CHD9: variants seen among roughly 807,000 people sequenced by gnomAD.
The protein encoded by CHD9 is ATP-dependent chromatin remodeler CHD9.
Under a neutral mutation model 316.1 loss-of-function variants are expected in CHD9, and 77 were observed. The observed-to-expected ratio is 0.24, with a 90% CI of 0.20 to 0.29. The LOEUF is 0.29. Among genes scored for constraint, CHD9 ranks in the 10% least tolerant of loss-of-function variants. The pLI is 1.00. For missense variants in CHD9, 2,763 were observed against 3,438.1 expected, an observed-to-expected ratio of 0.80 and a Z score of 4.91; for synonymous variants, 1,129 against 1,158.3, an observed-to-expected ratio of 0.97 and a Z score of 0.51.
At chr16:53,126,056 T>A (rs1329882815) in intron 1 of CHD9, among the ~76,000 whole-genome samples, 1 of 152,278 alleles carries the variant, frequency 6.6e-6, no homozygotes, top group African/African-American at 2.4e-5. Flanking sequence ...TTAATTTTAA[T>A]GAAGTCTAGT....
intron 2 of CHD9, among the ~76,000 whole-genome samples, chr16:53,202,508 T>C (rs749358751): frequency 6.6e-5 from 10 of 152,232 alleles, no homozygotes; most frequent in Non-Finnish European, 1.2e-4. Flanking sequence ...AATAGAGTCC[T>C]TTGTCCTATG....
intron 1 of CHD9, among the ~76,000 whole-genome samples, chr16:53,085,058 G>A (rs565971891): frequency 5.3e-5 from 8 of 152,162 alleles, no homozygotes; most frequent in South Asian, 2.1e-4. Context: ...GAGACTTCAC[G>A]TAAAATCCAA....
chr16:53,316,541 AT>A (rs2056897115), intron 36 of CHD9, among the ~76,000 whole-genome samples: 1 of 152,276 alleles, frequency 6.6e-6, no homozygotes, highest in Admixed American at 6.5e-5. Context: ...TATTGTAAAG[AT>A]TTTGAAAACA....
chr16:53,084,148 T>C (rs1263036459), intron 1 of CHD9, among the ~76,000 whole-genome samples: 1 of 152,096 alleles, frequency 6.6e-6, no homozygotes, highest in Non-Finnish European at 1.5e-5. Context: ...TGCCTTGGGC[T>C]CCCAAACTGC....
intron 24 of CHD9, among the ~76,000 whole-genome samples, chr16:53,284,406 G>A (rs933294336): frequency 6.6e-6 from 1 of 151,540 alleles, no homozygotes; most frequent in African/African-American, 2.4e-5. Context: ...ATATAGTTGT[G>A]TGTATATAAA....
chr16:53,237,055 A>G (rs931797403), intron 11 of CHD9, among the ~76,000 whole-genome samples: 7 of 152,048 alleles, frequency 4.6e-5, no homozygotes, highest in Admixed American at 2.0e-4. Context: ...CTGAGTGTCT[A>G]TCTCAATGAT....
intron 1 of CHD9, among the ~76,000 whole-genome samples, chr16:53,108,893 A>AAAAAT (rs146326973): frequency 0.035 from 5,342 of 151,860 alleles, 303 homozygotes; most frequent in African/African-American, 0.12. Flanking sequence ...AAACTGTTTC[A>AAAAAT]AAAATAAAAT....
intron 1 of CHD9, among the ~76,000 whole-genome samples, chr16:53,063,240 G>T (rs576629659): frequency 3.3e-5 from 5 of 152,104 alleles, no homozygotes; most frequent in African/African-American, 1.2e-4. Context: ...GCATAGAGAA[G>T]TTAAATAACG....
chr16:53,151,968 A>ATGTGTGTG (rs75657191), intron 1 of CHD9, among the ~76,000 whole-genome samples: 113 of 147,480 alleles, frequency 7.7e-4, no homozygotes, highest in Non-Finnish European at 1.5e-3. Flanking sequence ...CTTTCAGGGT[A>ATGTGTGTG]TGTGTGTGTG....
chr16:53,148,322 G>A (rs903268761), intron 1 of CHD9, among the ~76,000 whole-genome samples: 5 of 152,190 alleles, frequency 3.3e-5, no homozygotes, highest in African/African-American at 1.2e-4. Context: ...GCTCACTGCA[G>A]CCTTGGCCTC....
At chr16:53,192,821 C>T (rs1324664189) in intron 2 of CHD9, among the ~76,000 whole-genome samples, 3 of 152,084 alleles carry the variant, frequency 2.0e-5, no homozygotes, top group African/African-American at 7.2e-5. Context: ...TTTCATGTTA[C>T]TGAGTTATAT....
At chr16:53,122,851 C>T (rs554533172) in intron 1 of CHD9, among the ~76,000 whole-genome samples, 10 of 151,564 alleles carry the variant, frequency 6.6e-5, no homozygotes, top group Non-Finnish European at 1.2e-4. Flanking sequence ...GGACTATAGG[C>T]GCCCGCTACC....
intron 2 of CHD9, among the ~76,000 whole-genome samples, chr16:53,175,050 T>A (rs1397098557): frequency 6.6e-6 from 1 of 152,238 alleles, no homozygotes; most frequent in Non-Finnish European, 1.5e-5. Flanking sequence ...ACTCCCCTAC[T>A]GACACAATCG....
At chr16:53,119,882 A>G (rs1251445633) in intron 1 of CHD9, among the ~76,000 whole-genome samples, 1 of 152,058 alleles carries the variant, frequency 6.6e-6, no homozygotes, top group African/African-American at 2.4e-5. Flanking sequence ...AGGGAACTCC[A>G]TTGCCATTTT....
chr16:53,307,223 T>TA (rs1453072732), intron 32 of CHD9, among the ~76,000 whole-genome samples: 2 of 152,228 alleles, frequency 1.3e-5, no homozygotes, highest in Non-Finnish European at 2.9e-5. Flanking sequence ...TATTACTTTT[T>TA]AATTATAACA....
chr16:53,299,707 A>T, intron 30 of CHD9: 1 of 281,994 alleles, frequency 3.5e-6, no homozygotes, highest in Non-Finnish European at 6.8e-6. Flanking sequence ...TTTCTGGTGC[A>T]TACACTGTGT....
At chr16:53,154,088 AAATAATT>A (rs2041326808) in intron 1 of CHD9, among the ~76,000 whole-genome samples, 4 of 152,244 alleles carry the variant, frequency 2.6e-5, no homozygotes, top group Non-Finnish European at 5.9e-5. Context: ...GGCTAGCCCT[AAATAATT>A]AAGGGACAAT....
In CHD9 at chr16:53,157,326, G is replaced by A. The variant is rs1248732619; in HGVS notation, c.1237G>A (p.Gly413Ser). 1 of 1,613,460 alleles carries A rather than the reference G, an allele frequency of 6.2e-7. No individual in the cohort carries two copies. Among genetic ancestry groups the A allele is most frequent in the Non-Finnish European group, 8.5e-7 (1 of 1,179,738 alleles). Residue 413 changes from glycine to serine, a missense_variant, in exon 2 of 39, where the codon GGT becomes AGT. By Grantham distance (56) the Gly-to-Ser change is moderately conservative. This residue lies in a region of CHD9 where 859 missense variants were observed against 890.4 expected (regional missense o/e 0.96). Coordinates refer to ENST00000447540, the MANE Select transcript of CHD9 (RefSeq NM_001308319.2). ...TGACCCCGAGGACCTCCTTCAGGAG[G>A]GTCTTCTTCCTCACTTTGATGAGTC... Reference protein sequence around the residue: ...GLDPEDLLQEGLLPHFDESTF... With the variant: ...GLDPEDLLQESLLPHFDESTF...
At chr16:53,247,691 A>G in intron 16 of CHD9, 188 bp downstream of exon 16, 1 of 557,108 alleles carries the variant, frequency 1.8e-6, no homozygotes, top group Non-Finnish European at 3.2e-6. Context: ...ATGTTGCAAT[A>G]TTAGATGTGC....
Sources: allele counts gnomAD v4.1 joint callset (sites outside exome capture counted in the v4.1 genomes callset), GRCh38; gene constraint gnomAD v4.1.1; regional missense constraint gnomAD v4.1.1; transcripts MANE v1.5; gene names NCBI Gene and HGNC (gene_info 2026-07-23, HGNC 2026-07-21).